ARHGEF33: variants seen among roughly 807,000 people sequenced by gnomAD.
The protein encoded by ARHGEF33 is Rho guanine nucleotide exchange factor 33.
ARHGEF33 carries 72 observed loss-of-function variants against 101.9 expected under a neutral mutation model. The ratio of observed to expected loss-of-function variants is 0.71; its 90% confidence interval spans 0.58 to 0.86. The LOEUF is 0.86. Ranked by LOEUF, ARHGEF33 falls within the 40% of genes least tolerant of loss-of-function variation. The pLI is 0.00. For synonymous variants in ARHGEF33, 499 were observed against 442.5 expected, an observed-to-expected ratio of 1.13 and a Z score of -1.60; for missense variants, 1,169 against 1,111.3, an observed-to-expected ratio of 1.05 and a Z score of -0.74.
In ARHGEF33 at chr2:38,935,665, C is replaced by A. The variant is rs1171480506; in HGVS notation, c.506-110C>A. 4 of 778,190 alleles carry A rather than the reference C, an allele frequency of 5.1e-6. No homozygotes were observed. In the East Asian group the frequency reaches 1.1e-4, roughly 21 times the overall value. 48.2% of individuals were successfully genotyped at this position (778,190 alleles called of 1,614,324 possible). A position where few individuals can be genotyped will look rare whatever the true frequency, so the allele number is the denominator to read the frequency against. On this transcript the variant is annotated intron_variant, in intron 7 of 17. Coordinates refer to ENST00000409978, the MANE Select transcript of ARHGEF33 (RefSeq NM_001145451.5). ...ATTTCTTTTTTTTACTGCTCTGCCT[C>A]CCCCATGAAACTACAATCTCTGAGT...
At chr2:38,902,255 A>C (rs1666262158) in intron 2 of ARHGEF33, among the ~76,000 whole-genome samples, 1 of 152,142 alleles carries the variant, frequency 6.6e-6, no homozygotes, top group African/African-American at 2.4e-5. Context: ...GATTCAAAGG[A>C]ATAGAGTCAT....
At chr2:38,917,940 C>G (rs1045590828) in intron 2 of ARHGEF33, among the ~76,000 whole-genome samples, 6 of 151,894 alleles carry the variant, frequency 4.0e-5, no homozygotes, top group Admixed American at 3.9e-4. Context: ...TTTGTCTATT[C>G]TAAGTGATGA....
At chr2:38,928,819 T>G (rs907744279) in intron 4 of ARHGEF33, 88 bp from the exon 5 acceptor site, 18 of 1,280,898 alleles carry the variant, frequency 1.4e-5, no homozygotes, top group Middle Eastern at 1.9e-4. Flanking sequence ...GGAGGCTTGT[T>G]TCTCAAACAA....
chr2:38,893,157 CTTT>C (rs11302987), intron 1 of ARHGEF33, among the ~76,000 whole-genome samples: 1 of 122,330 alleles, frequency 8.2e-6, no homozygotes, highest in African/African-American at 2.8e-5. Context: ...TCTGGTAATC[CTTT>C]TTTTTTTTTT....
intron 17 of ARHGEF33, among the ~76,000 whole-genome samples, chr2:38,970,788 T>A (rs1025320919): frequency 7.9e-5 from 12 of 152,196 alleles, no homozygotes; most frequent in African/African-American, 2.4e-4. Context: ...TCCTTTGGGC[T>A]CTCCAAACTC....
intron 10 of ARHGEF33, among the ~76,000 whole-genome samples, chr2:38,945,566 T>C (rs1293202848): frequency 6.6e-6 from 1 of 152,250 alleles, no homozygotes; most frequent in Non-Finnish European, 1.5e-5. Context: ...CCAGCTGCGC[T>C]GCAGGCCTCT....
Position 38,943,961 on chromosome 2 carries a change from T to A in ARHGEF33, c.851T>A (p.Ile284Asn). Reference protein sequence around the residue: ...LESERKYVINISLILKIKATF... With the variant: ...LESERKYVINNSLILKIKATF... ...TCTGAAAGAAAATATGTCATTAACA[T>A]CTCTCTGATCTTGAAGATAAAAGCC... The change falls in exon 10 of 18, where the codon ATC (isoleucine) becomes AAC (asparagine). Residue 284 changes from isoleucine to asparagine, a missense_variant. Coordinates refer to ENST00000409978, the MANE Select transcript of ARHGEF33 (RefSeq NM_001145451.5). 1 of 1,551,672 alleles carries A rather than the reference T, an allele frequency of 6.4e-7. No homozygotes were observed.
intron 10 of ARHGEF33, among the ~76,000 whole-genome samples, chr2:38,949,061 G>A (rs78852878): frequency 6.6e-6 from 1 of 152,184 alleles, no homozygotes; most frequent in African/African-American, 2.4e-5. Context: ...CCTTTCATAG[G>A]GGGCTAGGTA....
chr2:38,934,857 T>C (rs565734219), intron 7 of ARHGEF33, among the ~76,000 whole-genome samples: 1 of 151,712 alleles, frequency 6.6e-6, no homozygotes, highest in Admixed American at 6.6e-5. Flanking sequence ...TAAAGAGGAA[T>C]TGTAATTTTA....
At chr2:38,894,712 C>A (rs1004304552) in intron 1 of ARHGEF33, among the ~76,000 whole-genome samples, 3 of 152,322 alleles carry the variant, frequency 2.0e-5, no homozygotes, top group African/African-American at 7.2e-5. Context: ...TTTTAGGAGA[C>A]TTCCCAGTGG....
chr2:38,940,383 C>T (rs1667272223), intron 9 of ARHGEF33, among the ~76,000 whole-genome samples: 1 of 151,756 alleles, frequency 6.6e-6, no homozygotes, highest in African/African-American at 2.4e-5. Flanking sequence ...CCTGCCTCAG[C>T]CTCCCAGGTA....
chr2:38,915,060 T>G (rs1666602511), intron 2 of ARHGEF33, among the ~76,000 whole-genome samples: 1 of 152,178 alleles, frequency 6.6e-6, no homozygotes, highest in Admixed American at 6.6e-5. Context: ...CTATGTTGCC[T>G]GGGGTGATCT....
At chr2:38,968,086 A>G (rs944986767) in intron 17 of ARHGEF33, among the ~76,000 whole-genome samples, 5 of 151,688 alleles carry the variant, frequency 3.3e-5, no homozygotes, top group African/African-American at 4.8e-5. Flanking sequence ...ACTAATTCCT[A>G]TTTATCAGAG....
chr2:38,960,051 C>G lies in ARHGEF33; in HGVS notation c.1746C>G (p.Ser582=). 1.3e-6 allele frequency: 2 copies of G among 1,542,648 alleles called. No individual in the cohort carries two copies. Among genetic ancestry groups the G allele is most frequent in the Non-Finnish European group, 1.8e-6 (2 of 1,142,754 alleles). The change falls in exon 16 of 18, where the codon TCC becomes TCG. Residue 582 remains serine (S), a synonymous_variant. Coordinates refer to ENST00000409978, the MANE Select transcript of ARHGEF33 (RefSeq NM_001145451.5). ...LQAIPEMDFE[S]SPAEPLGNVE... is the part of the protein sequence containing the mutation. ...CCATCCCGGAGATGGACTTCGAGTC[C>G]TCTCCGGCGGAGCCGCTGGGCAACG...
chr2:38,947,305 C>A (rs556509399), intron 10 of ARHGEF33, among the ~76,000 whole-genome samples: 1 of 152,204 alleles, frequency 6.6e-6, no homozygotes, highest in Admixed American at 6.5e-5. Context: ...GCCAGCCGTG[C>A]CCCTGGCTGA....
intron 16 of ARHGEF33, among the ~76,000 whole-genome samples, chr2:38,965,218 T>G (rs1176542894): frequency 1.3e-5 from 2 of 152,192 alleles, no homozygotes; most frequent in Non-Finnish European, 2.9e-5. Context: ...GCTCTTAAAT[T>G]ATAGTCACCT....
intron 10 of ARHGEF33, among the ~76,000 whole-genome samples, chr2:38,949,350 A>G (rs1360356568): frequency 1.3e-5 from 2 of 152,130 alleles, no homozygotes; most frequent in Admixed American, 1.3e-4. Context: ...TTAAGTCACC[A>G]AGTTAGAGCT....
intron 2 of ARHGEF33, among the ~76,000 whole-genome samples, chr2:38,905,933 T>C (rs1666377432): frequency 6.6e-6 from 1 of 152,130 alleles, no homozygotes; most frequent in African/African-American, 2.4e-5. Flanking sequence ...TCAGTGTCTT[T>C]CCTCACATAC....
chr2:38,955,963 G>A (rs958918895), intron 13 of ARHGEF33, among the ~76,000 whole-genome samples: 13 of 151,978 alleles, frequency 8.6e-5, no homozygotes, highest in Non-Finnish European at 1.5e-4. Context: ...GCCACCACCC[G>A]TGCCCTGAAA....
Sources: gnomAD v4.1 joint callset for allele counts (sites outside exome capture counted in the v4.1 genomes callset) on GRCh38, gnomAD v4.1.1 for gene constraint, MANE v1.5 for transcripts, NCBI Gene and HGNC (gene_info 2026-07-23, HGNC 2026-07-21) for gene names.